The following ZBTB38 variants were observed in gnomAD, a reference collection of about 807,000 sequenced individuals.
The protein encoded by ZBTB38 is zinc finger and BTB domain containing 38, also known as zinc finger and BTB domain-containing protein 38.
ZBTB38 carries 20 observed loss-of-function variants against 76.8 expected under a neutral mutation model. That is an observed-to-expected ratio of 0.26 (90% CI 0.18 to 0.38). ZBTB38 has a LOEUF of 0.38. Ranked by LOEUF, ZBTB38 falls within the 10% of genes least tolerant of loss-of-function variation. The pLI, the probability that ZBTB38 is intolerant of heterozygous loss-of-function variation, is 1.00. For synonymous variants in ZBTB38, 504 were observed against 544.2 expected, an observed-to-expected ratio of 0.93 and a Z score of 1.03; for missense variants, 1,082 against 1,482.3, an observed-to-expected ratio of 0.73 and a Z score of 4.43.
At chr3:141,336,595 C>T (rs1244179045) in intron 1 of ZBTB38, among the ~76,000 whole-genome samples, 1 of 152,204 alleles carries the variant, frequency 6.6e-6, no homozygotes, top group East Asian at 1.9e-4. Context: ...GCAATCCTTC[C>T]ACCTCAGCCT....
intron 5 of ZBTB38, chr3:141,427,852 G>A (rs929371514): frequency 1.3e-5 from 2 of 152,454 alleles, no homozygotes; most frequent in Non-Finnish European, 2.9e-5. Flanking sequence ...TGGGGGAGGG[G>A]AGGCAAATGA....
chr3:141,353,004 G>A (rs916166601), intron 1 of ZBTB38, among the ~76,000 whole-genome samples: 33 of 151,974 alleles, frequency 2.2e-4, no homozygotes, highest in African/African-American at 8.0e-4. Flanking sequence ...AACAAACCCT[G>A]ACCTCCCCTT....
chr3:141,329,856 C>T (rs905145316), intron 1 of ZBTB38, among the ~76,000 whole-genome samples: 3 of 151,818 alleles, frequency 2.0e-5, no homozygotes, highest in East Asian at 3.9e-4. Flanking sequence ...TGGTGAGGCA[C>T]GGTGGCTCAC....
intron 1 of ZBTB38, among the ~76,000 whole-genome samples, chr3:141,356,865 A>G (rs1428289826): frequency 2.6e-5 from 4 of 152,252 alleles, no homozygotes; most frequent in Admixed American, 2.6e-4. Context: ...GAAATTGGGG[A>G]AAAAAGATTT....
intron 1 of ZBTB38, among the ~76,000 whole-genome samples, chr3:141,341,372 C>A (rs918463062): frequency 6.6e-6 from 1 of 152,192 alleles, no homozygotes; most frequent in East Asian, 1.9e-4. Context: ...TGACTGTATA[C>A]AAATGCTGTT....
chr3:141,417,221 G>GATGAAAGTTGAGCAT (rs1303441327), intron 5 of ZBTB38, among the ~76,000 whole-genome samples: 1 of 152,068 alleles, frequency 6.6e-6, no homozygotes, highest in Non-Finnish European at 1.5e-5. Flanking sequence ...CTTCAACTTG[G>GATGAAAGTTGAGCAT]GCAAAATGCA....
rs775882336 is a variant in ZBTB38 at position 141,446,600 on chromosome 3, A to G, written c.*624A>G. 3 of 152,730 alleles carry G rather than the reference A, an allele frequency of 2.0e-5. No homozygotes were observed. The highest frequency in any genetic ancestry group is 6.5e-5 in the Admixed American group (1 of 15,288). The allele number at this position is 152,730 out of a possible 1,614,324, so 9.5% of individuals were successfully genotyped here. A position where few individuals can be genotyped will look rare whatever the true frequency, so the allele number is the denominator to read the frequency against. On this transcript the variant is annotated 3_prime_UTR_variant, in exon 6 of 6. Coordinates refer to ENST00000321464, the MANE Select transcript of ZBTB38 (RefSeq NM_001376113.1). ...TTGTAAAATACATATATAAATCACT[A>G]TAACTTTTAACTGTCCATATCCCCT... is the stretch of plus-strand genomic sequence containing the variant.
At chr3:141,338,067 A>G (rs1943066303) in intron 1 of ZBTB38, among the ~76,000 whole-genome samples, 2 of 152,252 alleles carry the variant, frequency 1.3e-5, no homozygotes, top group South Asian at 4.1e-4. Flanking sequence ...CAATCATTAG[A>G]TAAATGCAAA....
At chr3:141,349,053 T>A (rs1407247202) in intron 1 of ZBTB38, among the ~76,000 whole-genome samples, 2 of 152,088 alleles carry the variant, frequency 1.3e-5, no homozygotes, top group Non-Finnish European at 2.9e-5. Flanking sequence ...GGGGCTGAAA[T>A]CACCATGATT....
In ZBTB38 at chr3:141,446,160, T is replaced by C. The variant is rs2151018280; in HGVS notation, c.*184T>C. The C allele has an allele frequency of 2.0e-6, 1 of 508,398 alleles. No individual in the cohort carries two copies. Among genetic ancestry groups the C allele is most frequent in the Middle Eastern group, 5.6e-4 (1 of 1,800 alleles). The allele number at this position is 508,398 out of a possible 1,614,324, so 31.5% of individuals were successfully genotyped here. Reference sequence around the variant, plus strand: ...CTACTTTGGGTTTTAGCATTAACTTTATGCAAAGTGCACAAAAACAAAATA... The same window carrying C: ...CTACTTTGGGTTTTAGCATTAACTTCATGCAAAGTGCACAAAAACAAAATA... On this transcript the variant is annotated 3_prime_UTR_variant, in exon 6 of 6. Coordinates refer to ENST00000321464, the MANE Select transcript of ZBTB38 (RefSeq NM_001376113.1).
intron 4 of ZBTB38, among the ~76,000 whole-genome samples, chr3:141,397,036 C>A (rs886520193): frequency 1.3e-5 from 2 of 152,164 alleles, no homozygotes; most frequent in African/African-American, 4.8e-5. Flanking sequence ...TGAAGCCAGG[C>A]ATTGATTTCT....
intron 2 of ZBTB38, among the ~76,000 whole-genome samples, chr3:141,370,406 AGCTAAC>A (rs1406876428): frequency 6.6e-6 from 1 of 152,258 alleles, no homozygotes; most frequent in Non-Finnish European, 1.5e-5. Flanking sequence ...ACATGACCAC[AGCTAAC>A]CACAGAGGAG....
intron 1 of ZBTB38, among the ~76,000 whole-genome samples, chr3:141,336,755 G>C (rs904674640): frequency 1.3e-5 from 2 of 152,214 alleles, no homozygotes; most frequent in African/African-American, 4.8e-5. Context: ...TGTGGTGTGG[G>C]ATTTTCCCAC....
chr3:141,444,829 A>G lies in ZBTB38; in HGVS notation c.2441A>G (p.Lys814Arg). 6.2e-7 allele frequency: 1 copy of G among 1,614,180 alleles called. No individual in the cohort carries two copies. Among genetic ancestry groups the G allele is most frequent in the Non-Finnish European group, 8.5e-7 (1 of 1,180,040 alleles). The change falls in exon 6 of 6, where the codon AAA (lysine) becomes AGA (arginine). Residue 814 changes from lysine (K) to arginine (R), a missense_variant. Physicochemically the swap from Lys to Arg is conservative, Grantham distance 26 (BLOSUM62 2). This residue lies in a region of ZBTB38 where 471 missense variants were observed against 581.0 expected (regional missense o/e 0.81). Coordinates refer to ENST00000321464, the MANE Select transcript of ZBTB38 (RefSeq NM_001376113.1). The surrounding 1 kb of genome is among the most constrained non-coding windows in gnomAD (Gnocchi z 5.1). Reference protein sequence around the residue: ...KTTNIAEETSKIETYIAKPAL... With the variant: ...KTTNIAEETSRIETYIAKPAL... ...ACAAATATTGCTGAAGAAACCAGCA[A>G]AATTGAAACCTACATTGCAAAACCT...
chr3:141,377,916 T>G (rs757693814), intron 2 of ZBTB38, among the ~76,000 whole-genome samples: 37 of 152,312 alleles, frequency 2.4e-4, no homozygotes, highest in Non-Finnish European at 4.0e-4. Context: ...CCATGCACGG[T>G]GGCTCATGCT....
chr3:141,347,754 G>C (rs992568561), intron 1 of ZBTB38, among the ~76,000 whole-genome samples: 1 of 152,236 alleles, frequency 6.6e-6, no homozygotes, highest in Admixed American at 6.5e-5. Flanking sequence ...TGCCAGAAAG[G>C]CTGCCATGGT....
intron 5 of ZBTB38, among the ~76,000 whole-genome samples, chr3:141,411,240 A>G (rs1956517291): frequency 6.6e-6 from 1 of 152,236 alleles, no homozygotes; most frequent in Admixed American, 6.5e-5. Flanking sequence ...TCATGTAAGC[A>G]TGGAGATTTC....
chr3:141,402,066 G>A (rs1952190681), intron 4 of ZBTB38, among the ~76,000 whole-genome samples: 1 of 152,240 alleles, frequency 6.6e-6, no homozygotes, highest in African/African-American at 2.4e-5. Context: ...AGTCCTAACT[G>A]CGTTGTCCTT....
At chr3:141,369,574 A>T (rs921460578) in intron 1 of ZBTB38, among the ~76,000 whole-genome samples, 1 of 152,254 alleles carries the variant, frequency 6.6e-6, no homozygotes, top group Non-Finnish European at 1.5e-5. Context: ...GCACGTAGGC[A>T]TAGAAATCAT....
Sources: allele counts gnomAD v4.1 joint callset (sites outside exome capture counted in the v4.1 genomes callset), GRCh38; gene constraint gnomAD v4.1.1; regional missense constraint gnomAD v4.1.1; non-coding constraint Gnocchi (gnomAD v3.1); transcripts MANE v1.5; gene names NCBI Gene and HGNC (gene_info 2026-07-23, HGNC 2026-07-21).